DNAJC7: variants seen among roughly 807,000 people sequenced by gnomAD.
DNAJC7 encodes dnaJ homolog subfamily C member 7.
In DNAJC7, 18 loss-of-function variants were observed where a neutral mutation model predicts 67.4. The ratio of observed to expected loss-of-function variants is 0.27; its 90% CI spans 0.18 to 0.40. The LOEUF (loss-of-function observed/expected upper bound fraction) is 0.40, where lower values mean the gene tolerates loss of function less well. DNAJC7 is among the 10% of genes least tolerant of loss of function. DNAJC7 has a pLI of 1.00. For synonymous variants in DNAJC7, 220 were observed against 207.8 expected (o/e 1.06, Z -0.50); for missense variants, 419 against 613.8 (o/e 0.68, Z 3.35).
chr17:41,983,413 C>G (rs2051300424), intron 10 of DNAJC7, 150 bp downstream of exon 10: 2 of 686,564 alleles, frequency 2.9e-6, no homozygotes, highest in Admixed American at 3.0e-5. Context: ...GCGTGAGCCA[C>G]CACGCCCAGC....
At position 41,988,726 on chromosome 17, in the gene DNAJC7, G is replaced by C; in HGVS notation, c.918+6C>G. On this transcript the variant is annotated splice_donor_region_variant and intron_variant, in intron 8 of 13. Transcript: ENST00000457167. ...ATAGGCCCCAAGATCTAGATCAAGA[G>C]CTTACCTTGGAATTAACCGTACCCC... The C allele has an allele frequency of 6.3e-7, 1 of 1,590,514 alleles. No individual in the cohort carries two copies. The highest frequency in any genetic ancestry group is 8.5e-7 in the Non-Finnish European group (1 of 1,172,840).
intron 1 of DNAJC7, among the ~76,000 whole-genome samples, chr17:42,005,724 G>A (rs915479069): frequency 6.6e-6 from 1 of 152,042 alleles, no homozygotes; most frequent in African/African-American, 2.4e-5. Flanking sequence ...AAAGCACACC[G>A]CACTGTGGTT....
At chr17:41,991,264 C>A (rs2051505211) in intron 5 of DNAJC7, among the ~76,000 whole-genome samples, 1 of 152,138 alleles carries the variant, frequency 6.6e-6, no homozygotes, top group Admixed American at 6.6e-5. Context: ...CACCTATTCC[C>A]TCTAAGAATT....
chr17:42,000,698 A>G (rs2051787005), intron 1 of DNAJC7, 128 bp from the exon 2 acceptor site: 2 of 643,250 alleles, frequency 3.1e-6, no homozygotes, highest in Non-Finnish European at 5.1e-6. Flanking sequence ...TACTTGAAGG[A>G]TTTATAGATT....
chr17:42,001,381 A>G (rs1415758100), intron 1 of DNAJC7, among the ~76,000 whole-genome samples: 1 of 152,226 alleles, frequency 6.6e-6, no homozygotes, highest in Non-Finnish European at 1.5e-5. Flanking sequence ...GCCATTAGAC[A>G]AAGTATACTT....
chr17:41,977,082 G>A (rs1415238195), intron 13 of DNAJC7, 179 bp downstream of exon 13: 1 of 705,122 alleles, frequency 1.4e-6, no homozygotes, highest in Non-Finnish European at 2.4e-6. Context: ...AAGGCAAGGG[G>A]TGCCTGGGAA....
chr17:42,009,075 GA>G (rs1412963367), intron 1 of DNAJC7, among the ~76,000 whole-genome samples: 1 of 152,134 alleles, frequency 6.6e-6, no homozygotes, highest in Non-Finnish European at 1.5e-5. Context: ...GCTTCATCCA[GA>G]AAAAAATAGA....
chr17:41,994,114 G>T (rs2051589250), intron 5 of DNAJC7, among the ~76,000 whole-genome samples: 2 of 151,100 alleles, frequency 1.3e-5, no homozygotes, highest in South Asian at 2.1e-4. Flanking sequence ...GAGGCGGGCA[G>T]ATCAGGAGGT....
rs2143178192 is a variant in DNAJC7 at position 41,989,548 on chromosome 17, T to G, written c.609A>C (p.Leu203=). The G allele has an allele frequency of 1.2e-6, 2 of 1,613,956 alleles. No homozygotes were observed. The highest frequency in any genetic ancestry group is 4.5e-5 in the East Asian group (2 of 44,886). Residue 203 remains leucine, a synonymous_variant, in exon 7 of 14, where the codon CTA becomes CTC. Coordinates refer to ENST00000457167, the MANE Select transcript of DNAJC7 (RefSeq NM_003315.4). ...CATCTGCATTGGTGGAATCCATTCG[T>G]AGAATGTCACTGCAATAGTCAGAAA... ...PEAQSVASDI[L]RMDSTNADAL...
intron 12 of DNAJC7, among the ~76,000 whole-genome samples, chr17:41,979,610 T>A (rs1255958129): frequency 2.3e-5 from 3 of 130,750 alleles, no homozygotes; most frequent in Non-Finnish European, 3.1e-5. Context: ...AGGCAGAGGT[T>A]GCAGTGAGCC....
intron 12 of DNAJC7, among the ~76,000 whole-genome samples, chr17:41,980,303 CT>C (rs1431598960): frequency 6.6e-6 from 1 of 152,180 alleles, no homozygotes; most frequent in Non-Finnish European, 1.5e-5. Context: ...CCACCTTGTT[CT>C]CCCAAAGTGA....
chr17:42,017,011 C>T, intron 1 of DNAJC7: 1 of 1,297,756 alleles, frequency 7.7e-7, no homozygotes, highest in Non-Finnish European at 9.8e-7. Context: ...GTAAGGAAGT[C>T]GTCATCGACG....
intron 13 of DNAJC7, 60 bp from the exon 14 acceptor site, chr17:41,976,830 C>A (rs1266924618): frequency 5.7e-6 from 9 of 1,587,686 alleles, no homozygotes; most frequent in Non-Finnish European, 6.8e-6. Flanking sequence ...GATCACTTTG[C>A]TCTGATTATG....
chr17:41,996,291 A>C lies in DNAJC7; in HGVS notation c.405+20T>G, dbSNP rs781969546. 1.8e-5 allele frequency: 29 copies of C among 1,611,710 alleles called. 1 individual carries two copies. In the Middle Eastern group the frequency reaches 9.4e-4, roughly 52 times the overall value. ...TATACCATACTGCCTCTTTTGACAG[A>C]AACAGGATCAGACCCGTACCTCTTG... On this transcript the variant is annotated intron_variant, in intron 4 of 13. Coordinates refer to ENST00000457167, the MANE Select transcript of DNAJC7 (RefSeq NM_003315.4).
chr17:42,007,101 CAAAAAA>C (rs1173825270), intron 1 of DNAJC7, among the ~76,000 whole-genome samples: 1 of 128,562 alleles, frequency 7.8e-6, no homozygotes, highest in Non-Finnish European at 1.7e-5. Flanking sequence ...GATCCTGTCT[CAAAAAA>C]AAAAAAGAAA....
intron 1 of DNAJC7, among the ~76,000 whole-genome samples, chr17:42,005,146 G>A (rs2051913406): frequency 2.0e-5 from 3 of 152,178 alleles, no homozygotes; most frequent in Admixed American, 2.0e-4. Flanking sequence ...TCTCAATTCA[G>A]CATTCATTCA....
chr17:42,009,897 C>A (rs150924886), intron 1 of DNAJC7, among the ~76,000 whole-genome samples: 1 of 152,318 alleles, frequency 6.6e-6, no homozygotes, highest in African/African-American at 2.4e-5. Context: ...GTAATCCCAG[C>A]ACTTGGGAGG....
intron 9 of DNAJC7, among the ~76,000 whole-genome samples, chr17:41,986,842 T>G (rs1273742824): frequency 6.6e-6 from 1 of 152,066 alleles, no homozygotes; most frequent in Admixed American, 6.6e-5. Flanking sequence ...TTGAGAAAAC[T>G]AAGTGGGAGG....
chr17:42,017,055 T>A, intron 1 of DNAJC7: 1 of 1,364,400 alleles, frequency 7.3e-7, no homozygotes, highest in East Asian at 3.0e-5. Context: ...ACCAGACCTC[T>A]GAAATTGCCC....
Sources: gnomAD v4.1 joint callset for allele counts (sites outside exome capture counted in the v4.1 genomes callset) on GRCh38, gnomAD v4.1.1 for gene constraint, MANE v1.5 for transcripts, NCBI Gene and HGNC (gene_info 2026-07-23, HGNC 2026-07-21) for gene names.